The following COG5 variants were observed in gnomAD, a reference collection of about 807,000 sequenced individuals.
The protein encoded by COG5 is conserved oligomeric Golgi complex subunit 5.
Under a neutral mutation model 110.4 loss-of-function variants are expected in COG5, and 86 were observed. The observed-to-expected ratio is 0.78, with a 90% CI of 0.65 to 0.93. The LOEUF is 0.93. Among genes scored for constraint, COG5 ranks in the 40% least tolerant of loss-of-function variants. The probability of loss-of-function intolerance (pLI) is 0.00; values close to 1 mark genes in which losing one functional copy is unlikely to be tolerated. For missense variants in COG5, 1,077 were observed against 987.0 expected (o/e 1.09, Z -1.22); for synonymous variants, 360 against 334.6 (o/e 1.08, Z -0.83).
intron 6 of COG5, chr7:107,450,192 AC>A (rs1447332130): frequency 1.3e-5 from 2 of 155,904 alleles, no homozygotes; most frequent in South Asian, 2.0e-4. Flanking sequence ...CCTGCCAAGT[AC>A]ACTTGCTCCT....
chr7:107,211,488 A>G (rs914904602), intron 19 of COG5, among the ~76,000 whole-genome samples: 2 of 152,210 alleles, frequency 1.3e-5, no homozygotes, highest in Non-Finnish European at 2.9e-5. Context: ...CACCGGACTC[A>G]GCAAAAGCTC....
intron 10 of COG5, among the ~76,000 whole-genome samples, chr7:107,351,211 G>A (rs182175275): frequency 0.01 from 1,539 of 152,260 alleles, 21 homozygotes; most frequent in Middle Eastern, 0.048. Context: ...AATGGGGAAA[G>A]GATTCCCTGT....
At chr7:107,501,098 C>G (rs1366840815) in intron 6 of COG5, among the ~76,000 whole-genome samples, 2 of 151,966 alleles carry the variant, frequency 1.3e-5, no homozygotes, top group Non-Finnish European at 2.9e-5. Flanking sequence ...CAATATTATA[C>G]TTAGAGACCC....
chr7:107,460,079 T>C (rs1795896628), intron 6 of COG5, among the ~76,000 whole-genome samples: 1 of 152,026 alleles, frequency 6.6e-6, no homozygotes, highest in African/African-American at 2.4e-5. Context: ...ACAAAAAATT[T>C]TGAAAAATCA....
intron 6 of COG5, among the ~76,000 whole-genome samples, chr7:107,427,242 TAC>T (rs977023681): frequency 2.6e-5 from 4 of 152,178 alleles, no homozygotes; most frequent in Non-Finnish European, 4.4e-5. Flanking sequence ...GGTTCCAAAC[TAC>T]CACGGACTTC....
At chr7:107,298,037 C>A (rs1417767828) in intron 12 of COG5, 105 bp downstream of exon 12, 2 of 471,028 alleles carry the variant, frequency 4.2e-6, no homozygotes, top group Admixed American at 4.2e-5. Flanking sequence ...TATTTAGAGA[C>A]TTGGTATATA....
rs1354736136 is a variant in COG5, at chr7:107,255,583, T to C, written c.1749+1149A>G. On this transcript the variant is annotated intron_variant, in intron 16 of 21. Coordinates refer to ENST00000297135, the MANE Select transcript of COG5 (RefSeq NM_006348.5). ...CCTTGTTTGCTCTTTTCTCTAAATA[T>C]GTGTTTCTCCATAGGATTTACTTGT... 2.6e-5 allele frequency among the ~76,000 whole-genome samples: 4 copies of C among 152,118 alleles called. No homozygotes were observed. The East Asian group carries it at 7.7e-4, about 29-fold the overall frequency.
intron 14 of COG5, among the ~76,000 whole-genome samples, chr7:107,275,969 G>C (rs1236138037): frequency 6.6e-6 from 1 of 152,076 alleles, no homozygotes. Flanking sequence ...AGAATAAAGT[G>C]TATATTTACA....
At chr7:107,330,134 A>G (rs1810113768) in intron 10 of COG5, among the ~76,000 whole-genome samples, 1 of 152,232 alleles carries the variant, frequency 6.6e-6, no homozygotes, top group African/African-American at 2.4e-5. Flanking sequence ...GACTCCCAGT[A>G]TGTCTTACAT....
intron 8 of COG5, among the ~76,000 whole-genome samples, chr7:107,369,056 C>T (rs1470299839): frequency 6.6e-6 from 1 of 152,170 alleles, no homozygotes; most frequent in East Asian, 1.9e-4. Context: ...ACCTCAGCAT[C>T]CCAAGTAGCT....
rs1261637842 is a variant in COG5, at chr7:107,433,526, G to C, written c.539-20894C>G. On this transcript the variant is annotated intron_variant, in intron 6 of 21. Transcript: ENST00000297135. ...AGAGCCCAGATATAAACCTTTACGTGTAAGGTCAAATGATTTTTGACAATG... is the reference window on the plus strand; with the variant it reads ...AGAGCCCAGATATAAACCTTTACGTCTAAGGTCAAATGATTTTTGACAATG... Among the ~76,000 whole-genome samples, 3 of 152,186 alleles carry C rather than the reference G, an allele frequency of 2.0e-5. 1 individual carries two copies. Among genetic ancestry groups the C allele is most frequent in the Admixed American group, 2.0e-4 (3 of 15,282 alleles).
At chr7:107,252,489 AAAAC>A (rs1802592811) in intron 16 of COG5, among the ~76,000 whole-genome samples, 1 of 152,162 alleles carries the variant, frequency 6.6e-6, no homozygotes, top group Non-Finnish European at 1.5e-5. Context: ...AACAAAAACA[AAAAC>A]AAATTCTACA....
intron 6 of COG5, among the ~76,000 whole-genome samples, chr7:107,447,113 G>A (rs1455193217): frequency 6.6e-6 from 1 of 152,092 alleles, no homozygotes; most frequent in Non-Finnish European, 1.5e-5. Flanking sequence ...TGACTTTCTG[G>A]TTTCCTTGCT....
At chr7:107,371,380 A>G (rs1217257994) in intron 8 of COG5, among the ~76,000 whole-genome samples, 2 of 152,182 alleles carry the variant, frequency 1.3e-5, no homozygotes, top group Non-Finnish European at 2.9e-5. Context: ...GCTTGAGGCC[A>G]GGAGTTCAAG....
At chr7:107,558,312 G>A (rs570055836) in intron 1 of COG5, among the ~76,000 whole-genome samples, 197 bp from the exon 2 acceptor site, 99 of 152,206 alleles carry the variant, frequency 6.5e-4, no homozygotes, top group Admixed American at 1.2e-3. Flanking sequence ...AAAACATAAC[G>A]ACTGGCCAGG....
chr7:107,400,195 T>C (rs538826082), intron 7 of COG5, among the ~76,000 whole-genome samples: 4 of 152,148 alleles, frequency 2.6e-5, no homozygotes, highest in Admixed American at 1.3e-4. Context: ...ATAAAGATAC[T>C]TCCATAAGTA....
At chr7:107,516,465 G>A (rs1472707712) in intron 6 of COG5, among the ~76,000 whole-genome samples, 3 of 152,288 alleles carry the variant, frequency 2.0e-5, no homozygotes, top group Non-Finnish European at 2.9e-5. Flanking sequence ...AAATTTTGAT[G>A]AAATCTAATT....
At chr7:107,238,769 C>T (rs980782776) in intron 17 of COG5, among the ~76,000 whole-genome samples, 1 of 152,126 alleles carries the variant, frequency 6.6e-6, no homozygotes, top group Non-Finnish European at 1.5e-5. Context: ...TGTTTTTTCA[C>T]ATATCTACTG....
chr7:107,349,171 A>T (rs1349836548), intron 10 of COG5, among the ~76,000 whole-genome samples: 1 of 152,186 alleles, frequency 6.6e-6, no homozygotes, highest in Non-Finnish European at 1.5e-5. Context: ...CAGAAGTACA[A>T]CTGACTTTTA....
Sources: allele counts gnomAD v4.1 joint callset (sites outside exome capture counted in the v4.1 genomes callset), GRCh38; gene constraint gnomAD v4.1.1; transcripts MANE v1.5; gene names NCBI Gene and HGNC (gene_info 2026-07-23, HGNC 2026-07-21).